Variants in CNTN5 observed in about 807,000 individuals in gnomAD.
CNTN5 encodes the protein contactin-5.
A neutral mutation model predicts 129.1 loss-of-function variants in CNTN5; 77 were observed. That is an observed-to-expected ratio of 0.60 (90% confidence interval 0.50 to 0.72). The LOEUF is 0.72. CNTN5 is among the 30% of genes least tolerant of loss of function. The pLI is 0.00. For synonymous variants in CNTN5, 509 were observed against 465.6 expected (o/e 1.09, Z -1.20); for missense variants, 1,478 against 1,328.8 (o/e 1.11, Z -1.75).
chr11:99,186,105 A>G (rs1858340493), intron 1 of CNTN5, among the ~76,000 whole-genome samples: 1 of 151,914 alleles, frequency 6.6e-6, no homozygotes, highest in Non-Finnish European at 1.5e-5. Flanking sequence ...AATTTTTCTT[A>G]GAGATAATTA....
intron 6 of CNTN5, among the ~76,000 whole-genome samples, chr11:99,852,157 T>C (rs766820879): frequency 2.0e-5 from 3 of 152,180 alleles, no homozygotes; most frequent in Non-Finnish European, 4.4e-5. Flanking sequence ...TACAAATGAC[T>C]CTTTTTTTAA....
intron 13 of CNTN5, among the ~76,000 whole-genome samples, chr11:100,129,446 C>T (rs866468337): frequency 6.6e-6 from 1 of 152,234 alleles, no homozygotes; most frequent in Middle Eastern, 3.4e-3. Context: ...TACACAGACA[C>T]TCATCACATC....
intron 2 of CNTN5, among the ~76,000 whole-genome samples, chr11:99,368,277 C>T (rs1225365934): frequency 1.3e-5 from 2 of 152,038 alleles, no homozygotes; most frequent in Non-Finnish European, 2.9e-5. Flanking sequence ...GAGTATGCTA[C>T]TCAGAACTCT....
intron 3 of CNTN5, among the ~76,000 whole-genome samples, chr11:99,611,152 C>CTGCT (rs924394534): frequency 5.3e-5 from 8 of 152,294 alleles, no homozygotes; most frequent in African/African-American, 1.9e-4. Context: ...CCTATAGATG[C>CTGCT]TGCTGTACCT....
intron 2 of CNTN5, among the ~76,000 whole-genome samples, chr11:99,353,685 C>T (rs7101464): frequency 1 from 151,920 of 152,334 alleles, 75,757 homozygotes; most frequent in Middle Eastern, 1. Context: ...ATGAGGATAG[C>T]CAGGACTACC....
intron 15 of CNTN5, among the ~76,000 whole-genome samples, chr11:100,195,251 G>GA (rs1445866463): frequency 7.9e-5 from 12 of 151,972 alleles, no homozygotes; most frequent in African/African-American, 2.7e-4. Flanking sequence ...CATATCTAAA[G>GA]AAAAAATACA....
Position 99,331,901 on chromosome 11 carries a change from T to C in CNTN5, c.-71+6417T>C, listed in dbSNP as rs527784966. Among the ~76,000 whole-genome samples, 104 of 152,230 alleles carry C rather than the reference T, an allele frequency of 6.8e-4. 1 individual carries two copies. The South Asian group carries it at 0.016, about 23-fold the overall frequency. ...CCTTAAGACACAATGCATATTTCCA[T>C]GAGCCATGTTGCTCTTTTTTCACCA... On this transcript the variant is annotated intron_variant, in intron 2 of 24. Coordinates refer to ENST00000524871, the MANE Select transcript of CNTN5 (RefSeq NM_014361.4).
chr11:99,561,007 A>C (rs1430487695), intron 3 of CNTN5, among the ~76,000 whole-genome samples: 1 of 152,312 alleles, frequency 6.6e-6, no homozygotes, highest in Non-Finnish European at 1.5e-5. Context: ...CTGAGTAGCA[A>C]CCAACACACA....
At chr11:100,133,135 T>C (rs866371013) in intron 13 of CNTN5, among the ~76,000 whole-genome samples, 3 of 152,282 alleles carry the variant, frequency 2.0e-5, no homozygotes, top group Middle Eastern at 3.4e-3. Context: ...CAAAAGAAAT[T>C]ATATACACTG....
chr11:99,679,089 T>C (rs966585033), intron 3 of CNTN5, among the ~76,000 whole-genome samples: 14 of 144,070 alleles, frequency 9.7e-5, no homozygotes, highest in Non-Finnish European at 2.1e-4. Context: ...AGGAAATACA[T>C]ATACACACAT....
intron 2 of CNTN5, among the ~76,000 whole-genome samples, chr11:99,370,944 G>T (rs2102272): frequency 0.13 from 19,527 of 152,168 alleles, 1,417 homozygotes; most frequent in Middle Eastern, 0.22. Flanking sequence ...AAGCCTCCAG[G>T]GTATTCGTGG....
At chr11:99,511,027 C>G (rs1380798489) in intron 2 of CNTN5, among the ~76,000 whole-genome samples, 1 of 151,882 alleles carries the variant, frequency 6.6e-6, no homozygotes, top group Admixed American at 6.6e-5. Context: ...CAGGCCTCGG[C>G]TGATGTGTTT....
intron 9 of CNTN5, among the ~76,000 whole-genome samples, chr11:100,032,005 A>G (rs1167977631): frequency 6.6e-6 from 1 of 152,182 alleles, no homozygotes; most frequent in Non-Finnish European, 1.5e-5. Context: ...CTGCCGATCC[A>G]CATAGGAACA....
intron 13 of CNTN5, among the ~76,000 whole-genome samples, chr11:100,174,761 G>A (rs368108874): frequency 2.6e-5 from 4 of 151,984 alleles, no homozygotes; most frequent in Admixed American, 6.6e-5. Context: ...GAAATTATTC[G>A]GTCGCTTAGC....
intron 3 of CNTN5, among the ~76,000 whole-genome samples, chr11:99,592,595 C>T (rs1242626240): frequency 1.3e-5 from 2 of 151,604 alleles, no homozygotes; most frequent in Admixed American, 1.3e-4. Flanking sequence ...AGAAAATTCC[C>T]CTTAAAAATT....
At chr11:99,570,158 A>C (rs1002514329) in intron 3 of CNTN5, among the ~76,000 whole-genome samples, 1 of 151,834 alleles carries the variant, frequency 6.6e-6, no homozygotes, top group East Asian at 1.9e-4. Flanking sequence ...GAAGAAAAGA[A>C]AAAAGCTTGG....
intron 3 of CNTN5, among the ~76,000 whole-genome samples, chr11:99,647,795 T>C (rs11220827): frequency 0.25 from 37,743 of 151,608 alleles, 4,792 homozygotes; most frequent in South Asian, 0.38. Context: ...TTTATTTTTT[T>C]TTTGTATCTA....
chr11:99,871,495 A>C (rs537198223), intron 6 of CNTN5, among the ~76,000 whole-genome samples: 6 of 152,132 alleles, frequency 3.9e-5, no homozygotes, highest in African/African-American at 1.4e-4. Flanking sequence ...TAACAGCTGT[A>C]ATTTGGATCA....
In CNTN5 at chr11:99,761,249, GT is replaced by G. The variant is rs535554940; in HGVS notation, c.56-58286del. On this transcript the variant is annotated intron_variant, in intron 3 of 24. Coordinates refer to ENST00000524871, the MANE Select transcript of CNTN5 (RefSeq NM_014361.4). ...ATCTTCAGGTAAAGTTTCTGTATTA[GT>G]TTTTTTTTAAGTGTTTTTTTCTTTT... is the stretch of plus-strand genomic sequence containing the variant. Among the ~76,000 whole-genome samples the G allele has an allele frequency of 3.7e-3, 561 of 151,126 alleles. 4 individuals carry two copies. The highest frequency in any genetic ancestry group is 0.013 in the African/African-American group (536 of 41,212).
Sources: gnomAD v4.1 joint callset for allele counts (sites outside exome capture counted in the v4.1 genomes callset) on GRCh38, gnomAD v4.1.1 for gene constraint, MANE v1.5 for transcripts, NCBI Gene and HGNC (gene_info 2026-07-23, HGNC 2026-07-21) for gene names.